The following ERICH1 variants were observed in gnomAD, a reference collection of about 807,000 sequenced individuals.
ERICH1 encodes glutamate rich 1.
Under a neutral mutation model 39.6 loss-of-function variants are expected in ERICH1, and 56 were observed. The ratio of observed to expected loss-of-function variants is 1.41; its 90% CI spans 1.14 to 1.77. The LOEUF is 1.77. Among genes scored for constraint, ERICH1 ranks in the 40% most tolerant of loss-of-function variants. ERICH1 has a pLI of 0.00. For synonymous variants in ERICH1, 313 were observed against 223.6 expected (o/e 1.40, Z -3.57); for missense variants, 826 against 575.4 (o/e 1.44, Z -4.45).
chr8:713,474 T>C (rs187867672), intron 2 of ERICH1, among the ~76,000 whole-genome samples: 201 of 152,244 alleles, frequency 1.3e-3, no homozygotes, highest in African/African-American at 4.7e-3. Context: ...ATTTGTCCCA[T>C]GGGAAAAGCA....
chr8:626,346 G>C (rs991351395), intron 3 of ERICH1: 1 of 152,098 alleles, frequency 6.6e-6, no homozygotes, highest in Non-Finnish European at 1.5e-5. Context: ...GGGAGTGACC[G>C]GGGGGCTTCT....
chr8:630,899 C>T (rs112194196), intron 3 of ERICH1, among the ~76,000 whole-genome samples: 1 of 146,950 alleles, frequency 6.8e-6, no homozygotes, highest in Non-Finnish European at 1.5e-5. Flanking sequence ...ACAGACAGAG[C>T]TGACTCACAC....
At chr8:642,336 C>CTTT (rs33990765) in intron 3 of ERICH1, among the ~76,000 whole-genome samples, 1 of 60,450 alleles carries the variant, frequency 1.7e-5, no homozygotes, top group Non-Finnish European at 2.9e-5. Flanking sequence ...ATGGTCTGGA[C>CTTT]TTTTTTTTTT....
Sources: gnomAD v4.1 joint callset for allele counts (sites outside exome capture counted in the v4.1 genomes callset) on GRCh38, gnomAD v4.1.1 for gene constraint, MANE v1.5 for transcripts, NCBI Gene and HGNC (gene_info 2026-07-23, HGNC 2026-07-21) for gene names.